The following ASPH variants were observed in gnomAD, a reference collection of about 807,000 sequenced individuals.
ASPH encodes the protein aspartyl/asparaginyl beta-hydroxylase.
In ASPH, 100 loss-of-function variants were observed where a neutral mutation model predicts 118.4. That is an observed-to-expected ratio of 0.84 (90% CI 0.72 to 1.00). ASPH has a LOEUF of 1.00. Among genes scored for constraint, ASPH ranks in the 50% least tolerant of loss-of-function variants. The pLI, the probability that ASPH is intolerant of heterozygous loss-of-function variation, is 0.00. For missense variants in ASPH, 920 were observed against 919.5 expected (o/e 1.00, Z -0.01); for synonymous variants, 315 against 325.6 (o/e 0.97, Z 0.35).
chr8:61,625,416 A>G, intron 13 of ASPH: 1 of 985,592 alleles, frequency 1.0e-6, no homozygotes, highest in African/African-American at 1.7e-5. Flanking sequence ...CCAAAGGCAG[A>G]ATAATCTTTA....
At chr8:61,647,958 C>T (rs1195931234) in intron 5 of ASPH, among the ~76,000 whole-genome samples, 2 of 152,088 alleles carry the variant, frequency 1.3e-5, no homozygotes, top group African/African-American at 4.8e-5. Flanking sequence ...AGAGTATCTC[C>T]TGTGTATAAT....
intron 19 of ASPH, 80 bp from the exon 20 acceptor site, chr8:61,553,200 G>T: frequency 3.6e-6 from 4 of 1,121,006 alleles, no homozygotes; most frequent in Non-Finnish European, 3.9e-6. Flanking sequence ...CTTTTCTTAT[G>T]GCACATCGTA....
intron 1 of ASPH, among the ~76,000 whole-genome samples, chr8:61,691,995 G>A (rs1198467729): frequency 6.6e-6 from 1 of 152,172 alleles, no homozygotes; most frequent in Admixed American, 6.5e-5. Context: ...ACGTCAAACT[G>A]TAGGAATCAC....
At chr8:61,583,862 A>ATTT (rs35353831) in intron 15 of ASPH, 82 bp downstream of exon 15, 254 of 829,136 alleles carry the variant, frequency 3.1e-4, no homozygotes, top group Non-Finnish European at 3.6e-4. Context: ...TACACTTACT[A>ATTT]TTTTTTTTTT....
intron 12 of ASPH, among the ~76,000 whole-genome samples, chr8:61,635,974 GC>G (rs2150839029): frequency 6.6e-6 from 1 of 152,270 alleles, no homozygotes; most frequent in East Asian, 1.9e-4. Context: ...TTCACACTGT[GC>G]CTAGAATATA....
At chr8:61,647,016 A>G in intron 5 of ASPH, 138 bp from the exon 6 acceptor site, 1 of 1,098,172 alleles carries the variant, frequency 9.1e-7, no homozygotes, top group East Asian at 2.4e-5. Flanking sequence ...ACCATTGTCC[A>G]CTCCACAGCT....
intron 11 of ASPH, 86 bp from the exon 12 acceptor site, chr8:61,638,089 A>T (rs947007594): frequency 7.3e-7 from 1 of 1,369,318 alleles, no homozygotes; most frequent in African/African-American, 1.5e-5. Flanking sequence ...TCAGATTCCT[A>T]AATTAACTCG....
chr8:61,643,037 A>G, intron 9 of ASPH, 117 bp from the exon 10 acceptor site: 1 of 907,802 alleles, frequency 1.1e-6, no homozygotes, highest in Non-Finnish European at 1.6e-6. Context: ...TCCTTCAAAT[A>G]TTAATGTCTG....
intron 1 of ASPH, among the ~76,000 whole-genome samples, chr8:61,700,051 G>A (rs190014920): frequency 8.7e-4 from 133 of 152,292 alleles, no homozygotes; most frequent in Non-Finnish European, 1.4e-3. Context: ...CACTCAAAAG[G>A]GCTGACTGAC....
intron 16 of ASPH, among the ~76,000 whole-genome samples, chr8:61,570,579 T>C (rs1481779990): frequency 6.6e-6 from 1 of 152,222 alleles, no homozygotes; most frequent in Non-Finnish European, 1.5e-5. Context: ...TAATGAAGTA[T>C]TAACATTTAC....
At chr8:61,541,841 G>C (rs1822087412) in intron 21 of ASPH, among the ~76,000 whole-genome samples, 1 of 152,158 alleles carries the variant, frequency 6.6e-6, no homozygotes, top group African/African-American at 2.4e-5. Flanking sequence ...ATAAAGCAGA[G>C]TTTAAGACAG....
rs541355804 is a variant in ASPH, at chr8:61,712,000, G to C, written c.103+2269C>G. ...CTAGTTCAACTCCAATTACATACTA[G>C]AGAACCTAAAATTCAAGCATGGCAA... On this transcript the variant is annotated intron_variant, in intron 1 of 24. Transcript: ENST00000379454. 2.0e-5 allele frequency among the ~76,000 whole-genome samples: 3 copies of C among 152,260 alleles called. No individual in the cohort carries two copies. In the East Asian group the frequency reaches 5.8e-4, roughly 29 times the overall value.
At chr8:61,680,578 G>T (rs1827551176) in intron 3 of ASPH, 1 of 152,870 alleles carries the variant, frequency 6.5e-6, no homozygotes, top group Non-Finnish European at 1.5e-5. Flanking sequence ...TAAGCCTGTA[G>T]AAATTTACAT....
intron 22 of ASPH, 63 bp from the exon 23 acceptor site, chr8:61,518,186 G>C (rs1306229098): frequency 2.1e-6 from 3 of 1,418,426 alleles, no homozygotes; most frequent in Non-Finnish European, 3.0e-6. Context: ...ATCCCATTTA[G>C]ATGAGGTGAG....
At chr8:61,634,830 TTTG>T (rs1372684872) in intron 12 of ASPH, among the ~76,000 whole-genome samples, 1 of 152,232 alleles carries the variant, frequency 6.6e-6, no homozygotes, top group Non-Finnish European at 1.5e-5. Context: ...AGTTGCTGCT[TTTG>T]TTATTTCCAA....
At chr8:61,622,473 CCTCT>C (rs1467023049) in intron 13 of ASPH, among the ~76,000 whole-genome samples, 2 of 152,196 alleles carry the variant, frequency 1.3e-5, no homozygotes, top group Non-Finnish European at 2.9e-5. Flanking sequence ...CCTGTTCATC[CCTCT>C]GAGTGCATTA....
At chr8:61,599,721 A>G (rs1470434189) in intron 14 of ASPH, among the ~76,000 whole-genome samples, 1 of 152,190 alleles carries the variant, frequency 6.6e-6, no homozygotes, top group African/African-American at 2.4e-5. Context: ...TTGAACTAGG[A>G]AGAAACAGAA....
chr8:61,530,076 A>G (rs1817004911), intron 21 of ASPH, among the ~76,000 whole-genome samples: 1 of 152,186 alleles, frequency 6.6e-6, no homozygotes, highest in Non-Finnish European at 1.5e-5. Flanking sequence ...CACTAATACC[A>G]CCCACTTGTC....
chr8:61,704,834 A>G (rs1836195131), intron 1 of ASPH, among the ~76,000 whole-genome samples: 1 of 152,232 alleles, frequency 6.6e-6, no homozygotes, highest in African/African-American at 2.4e-5. Context: ...AAATGTTGGT[A>G]CATATGTAGA....
Sources: gnomAD v4.1 joint callset for allele counts (sites outside exome capture counted in the v4.1 genomes callset) on GRCh38, gnomAD v4.1.1 for gene constraint, MANE v1.5 for transcripts, NCBI Gene and HGNC (gene_info 2026-07-23, HGNC 2026-07-21) for gene names.